UBE2Q2: variants seen among roughly 807,000 people sequenced by gnomAD.
The protein encoded by UBE2Q2 is ubiquitin conjugating enzyme E2 Q2.
Under a neutral mutation model 59.9 loss-of-function variants are expected in UBE2Q2, and 54 were observed. The ratio of observed to expected loss-of-function variants is 0.90; its 90% CI spans 0.72 to 1.13. The LOEUF (loss-of-function observed/expected upper bound fraction) is 1.13. Among genes scored for constraint, UBE2Q2 ranks in the 50% most tolerant of loss-of-function variants. The pLI is 0.00. For missense variants in UBE2Q2, 433 were observed against 441.9 expected (o/e 0.98, Z 0.18); for synonymous variants, 165 against 155.2 (o/e 1.06, Z -0.47).
intron 11 of UBE2Q2, 43 bp from the exon 12 acceptor site, chr15:75,896,952 A>C (rs369813136): frequency 1.0e-4 from 132 of 1,269,280 alleles, no homozygotes; most frequent in Middle Eastern, 2.6e-4. Context: ...AATAATTTTC[A>C]CCTAATTACA....
At chr15:75,876,074 A>AC (rs1426791997) in intron 5 of UBE2Q2, 113 bp from the exon 6 acceptor site, 5 of 1,104,290 alleles carry the variant, frequency 4.5e-6, no homozygotes, top group Non-Finnish European at 6.4e-6. Context: ...CCAAAAAAAA[A>AC]AAAAAAAAAT....
chr15:75,866,922 A>G (rs1202229379), intron 3 of UBE2Q2, among the ~76,000 whole-genome samples: 3 of 152,216 alleles, frequency 2.0e-5, no homozygotes, highest in African/African-American at 4.8e-5. Context: ...CTTCAGATCA[A>G]TTGTGCTTAC....
At chr15:75,885,406 G>A (rs905718159) in intron 9 of UBE2Q2, among the ~76,000 whole-genome samples, 1 of 152,164 alleles carries the variant, frequency 6.6e-6, no homozygotes, top group East Asian at 1.9e-4. Context: ...ATGAGCTACC[G>A]CACCCCACCT....
At chr15:75,863,337 A>C (rs1296261930) in intron 3 of UBE2Q2, among the ~76,000 whole-genome samples, 2 of 151,962 alleles carry the variant, frequency 1.3e-5, no homozygotes, top group African/African-American at 4.8e-5. Context: ...CCTTTTTTGT[A>C]ATTGTGTGTT....
At chr15:75,843,996 A>G in intron 1 of UBE2Q2, 150 bp downstream of exon 1, 1 of 1,405,418 alleles carries the variant, frequency 7.1e-7, no homozygotes, top group Non-Finnish European at 9.2e-7. Context: ...TGCCCATCCC[A>G]GGCCGGGCTG....
intron 5 of UBE2Q2, among the ~76,000 whole-genome samples, chr15:75,875,392 T>C (rs533413322): frequency 2.1e-4 from 32 of 152,340 alleles, no homozygotes; most frequent in Middle Eastern, 3.4e-3. Flanking sequence ...TGATAAGATA[T>C]TGATGTGTTT....
In UBE2Q2 at chr15:75,899,470, G is replaced by C. The variant is rs1899637116; in HGVS notation, c.*12G>C. 1.9e-6 allele frequency: 3 copies of C among 1,587,620 alleles called. No individual in the cohort carries two copies. Among genetic ancestry groups the C allele is most frequent in the Admixed American group, 3.5e-5 (2 of 57,644 alleles). On this transcript the variant is annotated 3_prime_UTR_variant, in exon 13 of 13. Transcript: ENST00000267938. ...AGGAAGATGGCTAAATGTGTTGACT[G>C]TTGTATGTTTGGACTAATGTTGCTT... is the stretch of plus-strand genomic sequence containing the variant.
At chr15:75,869,672 G>C (rs1366576330) in intron 4 of UBE2Q2, among the ~76,000 whole-genome samples, 1 of 152,180 alleles carries the variant, frequency 6.6e-6, no homozygotes, top group Non-Finnish European at 1.5e-5. Context: ...CCATTAAGGA[G>C]GAAGGAGCCC....
intron 3 of UBE2Q2, 55 bp from the exon 4 acceptor site, chr15:75,868,896 T>C: frequency 8.5e-6 from 13 of 1,530,986 alleles, no homozygotes; most frequent in Non-Finnish European, 1.2e-5. Flanking sequence ...TCTAATGTAC[T>C]CAGCCTGTGC....
At chr15:75,879,513 A>G (rs1355822764) in intron 8 of UBE2Q2, among the ~76,000 whole-genome samples, 2 of 152,208 alleles carry the variant, frequency 1.3e-5, no homozygotes, top group South Asian at 2.1e-4. Context: ...AAGAGACTGG[A>G]CTCCAAAACC....
Position 75,848,959 on chromosome 15 carries a change from T to G in UBE2Q2, c.180+5113T>G, listed in dbSNP as rs78489797. Among the ~76,000 whole-genome samples, 31 of 152,366 alleles carry G rather than the reference T, an allele frequency of 2.0e-4. No individual in the cohort carries two copies. The East Asian group carries it at 6.0e-3, about 29-fold the overall frequency. On this transcript the variant is annotated intron_variant, in intron 1 of 12. Transcript: ENST00000267938. ...TCAGATCCTCATCAGCACCTTTTTCTGTGCCTCAGTTTGCTTACAATGATG... is the reference window on the plus strand; with the variant it reads ...TCAGATCCTCATCAGCACCTTTTTCGGTGCCTCAGTTTGCTTACAATGATG...
intron 3 of UBE2Q2, 58 bp downstream of exon 3, chr15:75,860,040 A>G (rs1363374943): frequency 8.2e-7 from 1 of 1,212,900 alleles, no homozygotes; most frequent in Non-Finnish European, 1.2e-6. Context: ...AGCAAAAGTC[A>G]AACTAGGATG....
intron 3 of UBE2Q2, among the ~76,000 whole-genome samples, chr15:75,860,473 A>G (rs888399918): frequency 1.3e-5 from 2 of 152,144 alleles, no homozygotes; most frequent in Non-Finnish European, 2.9e-5. Flanking sequence ...ATAATACATG[A>G]TAATTTAGCT....
intron 6 of UBE2Q2, among the ~76,000 whole-genome samples, chr15:75,877,380 TAA>T (rs1439240064): frequency 6.6e-6 from 1 of 151,990 alleles, no homozygotes; most frequent in African/African-American, 2.4e-5. Flanking sequence ...GTAAGAAGTC[TAA>T]AAGTTTATCT....
chr15:75,881,630 G>A (rs1898433964), intron 8 of UBE2Q2, among the ~76,000 whole-genome samples: 1 of 152,198 alleles, frequency 6.6e-6, no homozygotes, highest in Non-Finnish European at 1.5e-5. Flanking sequence ...TAGCAGGTAT[G>A]ACTCAGAAAG....
chr15:75,862,976 C>T (rs1897273807), intron 3 of UBE2Q2, among the ~76,000 whole-genome samples: 1 of 152,254 alleles, frequency 6.6e-6, no homozygotes, highest in South Asian at 2.1e-4. Context: ...GCTGGAACTA[C>T]TCCATTCCTC....
At chr15:75,887,462 T>C (rs1181223792) in intron 9 of UBE2Q2, among the ~76,000 whole-genome samples, 2 of 152,164 alleles carry the variant, frequency 1.3e-5, no homozygotes, top group East Asian at 1.9e-4. Flanking sequence ...CCAGACCAGT[T>C]TGAGCTATAA....
intron 3 of UBE2Q2, among the ~76,000 whole-genome samples, chr15:75,863,795 A>G (rs1160507689): frequency 6.6e-6 from 1 of 152,052 alleles, no homozygotes; most frequent in Non-Finnish European, 1.5e-5. Flanking sequence ...GGTGTGCACC[A>G]CCACGCTCGG....
chr15:75,874,695 A>G (rs1897979134), intron 5 of UBE2Q2, among the ~76,000 whole-genome samples: 1 of 152,256 alleles, frequency 6.6e-6, no homozygotes, highest in Non-Finnish European at 1.5e-5. Flanking sequence ...ATATGGCTAG[A>G]CAGTACATAC....
Sources: allele counts gnomAD v4.1 joint callset (sites outside exome capture counted in the v4.1 genomes callset), GRCh38; gene constraint gnomAD v4.1.1; transcripts MANE v1.5; gene names NCBI Gene and HGNC (gene_info 2026-07-23, HGNC 2026-07-21).